MORN1: variants seen among roughly 807,000 people sequenced by gnomAD.
The protein encoded by MORN1 is MORN repeat containing 1.
In MORN1, 67 loss-of-function variants were observed where a neutral mutation model predicts 61.9. The ratio of observed to expected loss-of-function variants is 1.08; its 90% CI spans 0.89 to 1.33. The LOEUF (loss-of-function observed/expected upper bound fraction) is 1.33. Ranked by LOEUF, MORN1 falls within the 40% of genes most tolerant of loss-of-function variation. The pLI is 0.00. For missense variants in MORN1, 752 were observed against 691.2 expected (o/e 1.09, Z -0.99); for synonymous variants, 301 against 292.0 (o/e 1.03, Z -0.31).
In MORN1 at chr1:2,355,393, G is replaced by A; in HGVS notation, c.1036+2039C>T. ...CATGCTCTTTTATATGATGAATGAC[G>A]CCTGCGCTTGCTGGTCCTCTCACAG... On this transcript the variant is annotated intron_variant, in intron 10 of 13. Coordinates refer to ENST00000378531, the MANE Select transcript of MORN1 (RefSeq NM_024848.3). The A allele has an allele frequency of 3.2e-6, 5 of 1,549,356 alleles. No homozygotes were observed. In the South Asian group the frequency reaches 3.6e-5, roughly 11 times the overall value.
intron 6 of MORN1, among the ~76,000 whole-genome samples, chr1:2,384,651 G>A (rs1235597371): frequency 6.6e-6 from 1 of 152,216 alleles, no homozygotes; most frequent in Non-Finnish European, 1.5e-5. Context: ...TTATCCCCGT[G>A]ACTGGCCCCC....
At chr1:2,352,028 TC>T in intron 10 of MORN1, 1 of 547,406 alleles carries the variant, frequency 1.8e-6, no homozygotes, top group Non-Finnish European at 3.5e-6. Flanking sequence ...GAGGTCCACC[TC>T]CCCTAGGAAT....
At chr1:2,384,185 T>C (rs1642434942) in intron 6 of MORN1, among the ~76,000 whole-genome samples, 1 of 152,230 alleles carries the variant, frequency 6.6e-6, no homozygotes, top group Non-Finnish European at 1.5e-5. Flanking sequence ...CTCCTGACTG[T>C]GTCCTGAACC....
chr1:2,336,365 C>A, intron 12 of MORN1, 104 bp downstream of exon 12: 1 of 1,176,866 alleles, frequency 8.5e-7, no homozygotes, highest in Non-Finnish European at 1.2e-6. Context: ...CTTCCCAGAC[C>A]AGGCCCTTGG....
At chr1:2,345,163 C>T (rs1641486431) in intron 10 of MORN1, among the ~76,000 whole-genome samples, 1 of 152,194 alleles carries the variant, frequency 6.6e-6, no homozygotes, top group African/African-American at 2.4e-5. Context: ...TCCACGTGTG[C>T]TCACCTGCGC....
chr1:2,376,713 G>A (rs1376643624), intron 6 of MORN1: 1 of 152,156 alleles, frequency 6.6e-6, no homozygotes, highest in Non-Finnish European at 1.5e-5. Context: ...TGGCATCCTC[G>A]GTACCCACCG....
At position 2,372,735 on chromosome 1, in the gene MORN1, C is replaced by G. The variant is rs1642149547; in HGVS notation, c.635-144G>C. 1.6e-6 allele frequency: 1 copy of G among 606,538 alleles called. No individual in the cohort carries two copies. The highest frequency in any genetic ancestry group is 1.9e-5 in the African/African-American group (1 of 53,678). The allele number at this position is 606,538 out of a possible 1,614,324, so 37.6% of individuals were successfully genotyped here. ...ACAAGCACATGCGGGGGCCGACCCT[C>G]CGCAAACCACCTTGCAGAGCAGCGA... On this transcript the variant is annotated intron_variant, in intron 7 of 13. Transcript: ENST00000378531. The surrounding 1 kb of genome is among the most constrained non-coding windows in gnomAD (Gnocchi z 5.4).
intron 10 of MORN1, among the ~76,000 whole-genome samples, chr1:2,355,721 A>G (rs1055523420): frequency 2.6e-5 from 4 of 152,188 alleles, no homozygotes; most frequent in African/African-American, 9.7e-5. Flanking sequence ...AGTGACCAGG[A>G]GGGTCACAGG....
chr1:2,346,397 A>AT (rs1641516455), intron 10 of MORN1, among the ~76,000 whole-genome samples: 1 of 152,030 alleles, frequency 6.6e-6, no homozygotes, highest in Non-Finnish European at 1.5e-5. Context: ...TGTATATTTT[A>AT]TTTTTTGAGA....
rs972467415 is a variant in MORN1, at chr1:2,372,729, G to A, written c.635-138C>T. 2.3e-4 allele frequency: 143 copies of A among 624,610 alleles called. 1 individual carries two copies. The highest frequency in any genetic ancestry group is 3.4e-4 in the Non-Finnish European group (120 of 355,780). 38.7% of individuals were successfully genotyped at this position (624,610 alleles called of 1,614,324 possible). On this transcript the variant is annotated intron_variant, in intron 7 of 13. Coordinates refer to ENST00000378531, the MANE Select transcript of MORN1 (RefSeq NM_024848.3). The surrounding 1 kb of genome is among the most constrained non-coding windows in gnomAD (Gnocchi z 5.4). ...TGGAACACAAGCACATGCGGGGGCC[G>A]ACCCTCCGCAAACCACCTTGCAGAG... is the stretch of plus-strand genomic sequence containing the variant.
At chr1:2,351,981 C>A in intron 10 of MORN1, 1 of 516,556 alleles carries the variant, frequency 1.9e-6, no homozygotes, top group Non-Finnish European at 3.7e-6. Context: ...AGTAGGCATG[C>A]CCCCTCCAGG....
intron 6 of MORN1, among the ~76,000 whole-genome samples, chr1:2,381,950 G>A (rs1408825562): frequency 6.6e-6 from 1 of 152,160 alleles, no homozygotes; most frequent in East Asian, 1.9e-4. Flanking sequence ...GCACCCTGGT[G>A]CTGTCAGCCC....
chr1:2,380,513 T>C (rs1642347975), intron 6 of MORN1, among the ~76,000 whole-genome samples: 1 of 152,170 alleles, frequency 6.6e-6, no homozygotes, highest in Non-Finnish European at 1.5e-5. Flanking sequence ...TTACGTTACA[T>C]GGATTTTACC....
intron 10 of MORN1, among the ~76,000 whole-genome samples, chr1:2,342,516 G>A (rs1015107437): frequency 2.6e-5 from 4 of 152,278 alleles, no homozygotes; most frequent in African/African-American, 9.6e-5. Context: ...CAGCCGAGAA[G>A]CGCGGCTCAT....
intron 13 of MORN1, chr1:2,322,443 G>A (rs892212910): frequency 3.7e-5 from 36 of 985,208 alleles, no homozygotes; most frequent in Admixed American, 6.2e-5. Flanking sequence ...CTCGCAGAGC[G>A]GCGGCCTCCT....
In MORN1 at chr1:2,321,491, T is replaced by C; in HGVS notation, c.1386A>G (p.Val462=). ...LPPAFKHLRV[V]AKRAGQPPHV... ...GGGGTGGCTGGCCAGCCCTCTTCGC[T>C]ACGACCCGCAGGTGTTTGAAGGCCG... is the stretch of plus-strand genomic sequence containing the variant. Residue 462 remains valine, a synonymous_variant, in exon 14 of 14, where the codon GTA becomes GTG. Transcript: ENST00000378531. 6.5e-7 allele frequency: 1 copy of C among 1,528,376 alleles called. No individual in the cohort carries two copies. The highest frequency in any genetic ancestry group is 8.8e-7 in the Non-Finnish European group (1 of 1,137,710). The allele number at this position is 1,528,376 out of a possible 1,614,324, so 94.7% of individuals were successfully genotyped here. A position where few individuals can be genotyped will look rare whatever the true frequency, so the allele number is the denominator to read the frequency against.
chr1:2,322,793 T>C, intron 13 of MORN1: 1 of 985,416 alleles, frequency 1.0e-6, no homozygotes, highest in South Asian at 4.7e-5. Flanking sequence ...CAGTGGGCAG[T>C]GGCTGAGGAG....
chr1:2,379,197 GT>G (rs1642316251), intron 6 of MORN1: 1 of 470,286 alleles, frequency 2.1e-6, no homozygotes, highest in African/African-American at 2.0e-5. Context: ...GTCTCCTTGA[GT>G]TTCTCCTACT....
At chr1:2,361,675 T>C (rs1641893214) in intron 8 of MORN1, among the ~76,000 whole-genome samples, 1 of 152,164 alleles carries the variant, frequency 6.6e-6, no homozygotes, top group Non-Finnish European at 1.5e-5. Flanking sequence ...AGGTTAAACA[T>C]CGCAGAAGAA....
Sources: allele counts gnomAD v4.1 joint callset (sites outside exome capture counted in the v4.1 genomes callset), GRCh38; gene constraint gnomAD v4.1.1; non-coding constraint Gnocchi (gnomAD v3.1); transcripts MANE v1.5; gene names NCBI Gene and HGNC (gene_info 2026-07-23, HGNC 2026-07-21).